The following DPY19L1 variants were observed in gnomAD, a reference collection of about 807,000 sequenced individuals.
DPY19L1 encodes protein C-mannosyl-transferase DPY19L1.
Under a neutral mutation model 96.9 loss-of-function variants are expected in DPY19L1, and 35 were observed. The ratio of observed to expected loss-of-function variants is 0.36; its 90% confidence interval spans 0.28 to 0.48. The LOEUF (loss-of-function observed/expected upper bound fraction) is 0.48. DPY19L1 is among the 20% of genes least tolerant of loss of function. DPY19L1 has a pLI of 0.99. For synonymous variants in DPY19L1, 205 were observed against 252.6 expected (o/e 0.81, Z 1.79); for missense variants, 521 against 777.9 (o/e 0.67, Z 3.93).
Position 34,966,971 on chromosome 7 carries a change from T to C in DPY19L1, c.1015A>G (p.Ile339Val), listed in dbSNP as rs1784624294. 1 of 1,520,120 alleles carries C rather than the reference T, an allele frequency of 6.6e-7. No homozygotes were observed. The highest frequency in any genetic ancestry group is 1.4e-5 in the African/African-American group (1 of 69,544). 94.2% of individuals were successfully genotyped at this position (1,520,120 alleles called of 1,614,324 possible). A position where few individuals can be genotyped will look rare whatever the true frequency, so the allele number is the denominator to read the frequency against. Residue 339 changes from isoleucine to valine, a missense_variant and splice_region_variant, in exon 10 of 22, where the codon ATT becomes GTT. By Grantham distance (29) the Ile-to-Val change is conservative. Transcript: ENST00000638088. ...QFAQFVLLTQ[I>V]ASLFAVYVVG... The stretch of plus-strand genomic sequence containing the variant: ...ACATATACTGCAAATAATGATGCAA[T>C]CTGAAATTTAAAAAGAAATTAGAAG...
At chr7:34,948,649 T>C (rs1784204316) in intron 14 of DPY19L1, among the ~76,000 whole-genome samples, 2 of 152,266 alleles carry the variant, frequency 1.3e-5, no homozygotes, top group Admixed American at 6.5e-5. Flanking sequence ...GTATGTATGA[T>C]GTTCTCAATA....
upstream of DPY19L1, chr7:35,037,798 TGGCGCCCGGCTACCCACACCTCTTC>T (rs1402815138): frequency 2.5e-6 from 3 of 1,215,372 alleles, no homozygotes; most frequent in Non-Finnish European, 3.1e-6. Context: ...CCGACCCCTC[TGGCGCCCGGCTACCCACACCTCTTC>T]GGCGCCCGCG....
chr7:34,969,350 T>C (rs1398873474), intron 9 of DPY19L1, 83 bp downstream of exon 9: 1 of 681,912 alleles, frequency 1.5e-6, no homozygotes, highest in Non-Finnish European at 2.2e-6. Flanking sequence ...AACCATAGAA[T>C]ATCTCAGTTG....
At chr7:35,026,473 T>C (rs1483642136) in intron 1 of DPY19L1, among the ~76,000 whole-genome samples, 2 of 147,296 alleles carry the variant, frequency 1.4e-5, no homozygotes, top group East Asian at 2.0e-4. Context: ...GAGGAGCTTG[T>C]TAAGCCTGCA....
intron 1 of DPY19L1, among the ~76,000 whole-genome samples, chr7:35,033,563 C>T (rs1473408060): frequency 1.3e-5 from 2 of 152,122 alleles, no homozygotes; most frequent in Non-Finnish European, 2.9e-5. Context: ...TTATTATTCC[C>T]ATTTTAAGGG....
chr7:35,024,431 T>C (rs1027226590), intron 1 of DPY19L1, among the ~76,000 whole-genome samples: 1 of 152,212 alleles, frequency 6.6e-6, no homozygotes, highest in African/African-American at 2.4e-5. Flanking sequence ...TTAAAGTTTC[T>C]TTCCGGAAGC....
chr7:35,034,120 G>C (rs1391799491), intron 1 of DPY19L1, among the ~76,000 whole-genome samples: 1 of 152,098 alleles, frequency 6.6e-6, no homozygotes, highest in Non-Finnish European at 1.5e-5. Flanking sequence ...TGCAAAGGGG[G>C]GAAAAGGTAG....
At chr7:34,997,130 T>C (rs1220360829) in intron 6 of DPY19L1, among the ~76,000 whole-genome samples, 1 of 151,916 alleles carries the variant, frequency 6.6e-6, no homozygotes, top group East Asian at 1.9e-4. Flanking sequence ...AGTGAAGACA[T>C]AAAAAGGGGA....
At chr7:34,959,914 T>A (rs2392298) in intron 10 of DPY19L1, among the ~76,000 whole-genome samples, 42 of 10,604 alleles carry the variant, frequency 4.0e-3, no homozygotes, top group Middle Eastern at 0.042. Flanking sequence ...TATATATATA[T>A]ATATATATAT....
chr7:35,004,104 A>T (rs901404769), intron 6 of DPY19L1, among the ~76,000 whole-genome samples: 1 of 152,136 alleles, frequency 6.6e-6, no homozygotes, highest in Non-Finnish European at 1.5e-5. Flanking sequence ...AGACATCCTG[A>T]TCGTCACATC....
At chr7:34,973,067 C>T (rs1297665804) in intron 8 of DPY19L1, among the ~76,000 whole-genome samples, 1 of 152,126 alleles carries the variant, frequency 6.6e-6, no homozygotes, top group Non-Finnish European at 1.5e-5. Flanking sequence ...TTCCTTTTTA[C>T]CCTCTGGAGC....
intron 14 of DPY19L1, among the ~76,000 whole-genome samples, chr7:34,949,464 C>A (rs1215855557): frequency 2.6e-4 from 39 of 152,106 alleles, no homozygotes; most frequent in Admixed American, 1.6e-3. Flanking sequence ...ATTTAAATAA[C>A]CACAAAATGA....
At chr7:34,994,664 C>T (rs1327901998) in intron 6 of DPY19L1, among the ~76,000 whole-genome samples, 1 of 151,814 alleles carries the variant, frequency 6.6e-6, no homozygotes, top group East Asian at 1.9e-4. Flanking sequence ...ATTAGCCGGG[C>T]GTGGTGGTGG....
chr7:34,951,407 G>A, intron 13 of DPY19L1, among the ~76,000 whole-genome samples: 2 of 152,060 alleles, frequency 1.3e-5, no homozygotes, highest in Non-Finnish European at 2.9e-5. Context: ...CCAAAAATAT[G>A]TATATATTTG....
At chr7:34,994,724 A>G (rs1055534109) in intron 6 of DPY19L1, among the ~76,000 whole-genome samples, 1 of 151,992 alleles carries the variant, frequency 6.6e-6, no homozygotes, top group African/African-American at 2.4e-5. Flanking sequence ...GAATGGCGTG[A>G]ACCCAGGAGG....
intron 20 of DPY19L1, chr7:34,939,035 G>C: frequency 2.6e-6 from 1 of 382,372 alleles, no homozygotes; most frequent in African/African-American, 2.1e-5. Flanking sequence ...GCTATAGTAT[G>C]ACTTCGTTTA....
intron 6 of DPY19L1, among the ~76,000 whole-genome samples, chr7:34,992,782 A>G (rs1444607662): frequency 2.0e-5 from 3 of 151,888 alleles, no homozygotes; most frequent in Admixed American, 6.6e-5. Context: ...TAGAAAACCC[A>G]TCATTATTAT....
intron 13 of DPY19L1, among the ~76,000 whole-genome samples, chr7:34,953,169 G>C (rs1371648778): frequency 2.0e-5 from 3 of 152,168 alleles, no homozygotes; most frequent in Non-Finnish European, 4.4e-5. Context: ...GGGTAGCCTT[G>C]CCACTATCTT....
intron 9 of DPY19L1, 139 bp from the exon 10 acceptor site, chr7:34,967,110 T>A: frequency 1.9e-6 from 1 of 531,862 alleles, no homozygotes; most frequent in East Asian, 4.3e-5. Context: ...TCTGACAATT[T>A]ATTATTAAAT....
Sources: gnomAD v4.1 joint callset for allele counts (sites outside exome capture counted in the v4.1 genomes callset) on GRCh38, gnomAD v4.1.1 for gene constraint, MANE v1.5 for transcripts, NCBI Gene and HGNC (gene_info 2026-07-23, HGNC 2026-07-21) for gene names.